ZNF846: variants seen among roughly 807,000 people sequenced by gnomAD.
ZNF846 encodes the protein zinc finger protein 846.
ZNF846 carries 15 observed loss-of-function variants against 16.0 expected under a neutral mutation model. That is an observed-to-expected ratio of 0.94 (90% CI 0.63 to 1.45). ZNF846 has a LOEUF of 1.45. ZNF846 is among the 40% of genes most tolerant of loss of function. ZNF846 has a pLI of 0.00. For missense variants in ZNF846, 714 were observed against 622.3 expected, an observed-to-expected ratio of 1.15 and a Z score of -1.57; for synonymous variants, 229 against 212.0, an observed-to-expected ratio of 1.08 and a Z score of -0.70.
chr19:9,755,989 C>T (rs182106463), downstream of ZNF846, among the ~76,000 whole-genome samples: 98 of 148,232 alleles, frequency 6.6e-4, 4 homozygotes, highest in East Asian at 2.2e-3. Context: ...TAAAGGCACC[C>T]GCCACCATAC....
At chr19:9,775,767 G>A (rs1269913996) in intron 1 of ZNF846, among the ~76,000 whole-genome samples, 1 of 152,126 alleles carries the variant, frequency 6.6e-6, no homozygotes, top group Non-Finnish European at 1.5e-5. Flanking sequence ...GTCCCTTGTG[G>A]GCAGCAAGCC....
chr19:9,766,897 T>TC lies in ZNF846; in HGVS notation c.-86+1391dup, dbSNP rs1289940789. On this transcript the variant is annotated intron_variant, in intron 1 of 5. Transcript: ENST00000397902. ...CCTGGCAACAGAGCAAGACTCTGTC[T>TC]CAAAAAAAAAAAAAAAAAAGTGTTC... is the stretch of plus-strand genomic sequence containing the variant. Among the ~76,000 whole-genome samples, 8 of 92,178 alleles carry TC rather than the reference T, an allele frequency of 8.7e-5. No individual in the cohort carries two copies. In the Admixed American group the frequency reaches 1.0e-3, roughly 12 times the overall value. The allele number at this position is 92,178 out of a possible 152,430, so 60.5% of individuals were successfully genotyped here.
downstream of ZNF846, chr19:9,756,950 C>T (rs1452034698): frequency 3.3e-5 from 5 of 151,850 alleles, 1 homozygote; most frequent in African/African-American, 1.2e-4. Context: ...AATCCCAGTA[C>T]TTTGGAAGGC....
chr19:9,782,423 C>T (rs1191738431), intron 1 of ZNF846, among the ~76,000 whole-genome samples: 1 of 152,052 alleles, frequency 6.6e-6, no homozygotes, highest in South Asian at 2.1e-4. Flanking sequence ...CACCACCACA[C>T]CTAATTTTTA....
At chr19:9,769,264 A>C (rs1226477145), upstream of ZNF846, among the ~76,000 whole-genome samples, 1 of 151,322 alleles carries the variant, frequency 6.6e-6, no homozygotes, top group Non-Finnish European at 1.5e-5. Context: ...ATCTTTTTCT[A>C]GACACTTGGG....
chr19:9,779,571 AT>A (rs781610244), intron 1 of ZNF846, among the ~76,000 whole-genome samples: 1,667 of 101,128 alleles, frequency 0.016, 19 homozygotes, highest in African/African-American at 0.04. Context: ...CCCCACCAGA[AT>A]TTTTTTTTTT....
downstream of ZNF846, chr19:9,757,425 AT>A (rs757218764): frequency 2.1e-6 from 3 of 1,447,358 alleles, no homozygotes; most frequent in Non-Finnish European, 2.8e-6. Context: ...CCTTCCTATG[AT>A]TTTTTTCCAG....
At chr19:9,760,851 G>A (rs1471353113) in intron 4 of ZNF846, among the ~76,000 whole-genome samples, 1 of 151,584 alleles carries the variant, frequency 6.6e-6, no homozygotes, top group Non-Finnish European at 1.5e-5. Context: ...TGTAGGGTGA[G>A]TGGGGACTGA....
At chr19:9,765,566 G>A (rs189274099) in intron 1 of ZNF846, among the ~76,000 whole-genome samples, 1 of 152,162 alleles carries the variant, frequency 6.6e-6, no homozygotes, top group African/African-American at 2.4e-5. Context: ...CCAGCAGCTG[G>A]GGAGGCTGAG....
chr19:9,766,876 G>A (rs1488583204), intron 1 of ZNF846, among the ~76,000 whole-genome samples: 1 of 142,240 alleles, frequency 7.0e-6, no homozygotes, highest in African/African-American at 2.7e-5. Flanking sequence ...CTCCAGCCTG[G>A]CAACAGAGCA....
chr19:9,751,278 A>G (rs2045081644), downstream of ZNF846, among the ~76,000 whole-genome samples: 1 of 152,088 alleles, frequency 6.6e-6, no homozygotes, highest in Non-Finnish European at 1.5e-5. Flanking sequence ...TTAGGTTCCC[A>G]CACCACCGCT....
downstream of ZNF846, among the ~76,000 whole-genome samples, chr19:9,751,755 C>T (rs2045085498): frequency 1.3e-5 from 2 of 152,182 alleles, 1 homozygote; most frequent in South Asian, 4.1e-4. Flanking sequence ...AACATCCTCC[C>T]CACTCTTGAG....
At chr19:9,760,196 G>C (rs2045202258) in intron 4 of ZNF846, among the ~76,000 whole-genome samples, 1 of 151,344 alleles carries the variant, frequency 6.6e-6, no homozygotes, top group African/African-American at 2.5e-5. Flanking sequence ...AGGAGGCTGA[G>C]GCAGGAGAAT....
chr19:9,779,071 T>C (rs2045475163), intron 1 of ZNF846, among the ~76,000 whole-genome samples: 1 of 152,140 alleles, frequency 6.6e-6, no homozygotes, highest in Admixed American at 6.6e-5. Context: ...TGCATAATAT[T>C]TTTCATTTGT....
At chr19:9,764,829 G>A in intron 2 of ZNF846, 107 bp downstream of exon 2, 1 of 1,337,302 alleles carries the variant, frequency 7.5e-7, no homozygotes, top group Non-Finnish European at 1.1e-6. Context: ...TATTTCCTGA[G>A]CAGGACCATC....
chr19:9,762,980 C>T (rs1244407636), intron 3 of ZNF846, among the ~76,000 whole-genome samples: 2 of 152,076 alleles, frequency 1.3e-5, no homozygotes, highest in Non-Finnish European at 2.9e-5. Flanking sequence ...CCTGTCTCCA[C>T]TAAAAATACA....
chr19:9,785,519 CTCCCCGCCCCCGTCTCTCGCTCACGG>C (rs2045549506), intron 1 of ZNF846, among the ~76,000 whole-genome samples: 1 of 133,332 alleles, frequency 7.5e-6, no homozygotes, highest in East Asian at 2.4e-4. Flanking sequence ...CCTTCACCGA[CTCCCCGCCCCCGTCTCTCGCTCACGG>C]AGTCCCCGCC....
intron 1 of ZNF846, among the ~76,000 whole-genome samples, chr19:9,766,412 CAA>C (rs58139573): frequency 9.7e-4 from 70 of 72,396 alleles, no homozygotes; most frequent in African/African-American, 2.2e-3. Context: ...GACTCTGTCA[CAA>C]AAAAAAAAAA....
chr19:9,770,468 A>G (rs998669419), upstream of ZNF846, among the ~76,000 whole-genome samples: 17 of 143,468 alleles, frequency 1.2e-4, no homozygotes, highest in Non-Finnish European at 3.0e-5. Context: ...GTTGTTGGAT[A>G]TTGGGTTTTC....
Sources: allele counts gnomAD v4.1 joint callset (sites outside exome capture counted in the v4.1 genomes callset), GRCh38; gene constraint gnomAD v4.1.1; transcripts MANE v1.5; gene names NCBI Gene and HGNC (gene_info 2026-07-23, HGNC 2026-07-21).